EIF4G3: variants seen among roughly 807,000 people sequenced by gnomAD.
EIF4G3 encodes the protein eukaryotic translation initiation factor 4 gamma 3, also known as eIF-4-gamma 3.
Under a neutral mutation model 186.4 loss-of-function variants are expected in EIF4G3, and 34 were observed. The ratio of observed to expected loss-of-function variants is 0.18; its 90% CI spans 0.14 to 0.24. The LOEUF is 0.24. Among genes scored for constraint, EIF4G3 ranks in the 10% least tolerant of loss-of-function variants. EIF4G3 has a pLI of 1.00. For synonymous variants in EIF4G3, 673 were observed against 679.5 expected (o/e 0.99, Z 0.15); for missense variants, 1,536 against 1,948.5 (o/e 0.79, Z 3.99).
chr1:21,029,615 C>G (rs1246173334), intron 4 of EIF4G3, among the ~76,000 whole-genome samples: 1 of 151,766 alleles, frequency 6.6e-6, no homozygotes, highest in African/African-American at 2.4e-5. Context: ...ACAAAATAAA[C>G]CATTAGTTTG....
At chr1:21,158,381 G>A (rs1033942766) in intron 2 of EIF4G3, among the ~76,000 whole-genome samples, 9 of 151,548 alleles carry the variant, frequency 5.9e-5, no homozygotes, top group Admixed American at 2.0e-4. Context: ...TTGCCATGTT[G>A]CCCAGGGGGG....
At chr1:20,917,081 A>G (rs932214459) in intron 14 of EIF4G3, among the ~76,000 whole-genome samples, 3 of 140,886 alleles carry the variant, frequency 2.1e-5, no homozygotes, top group African/African-American at 7.8e-5. Context: ...CCCAAACTGG[A>G]AACAGCCAAA....
chr1:20,998,081 G>A (rs1052677610), intron 6 of EIF4G3, among the ~76,000 whole-genome samples: 1 of 152,002 alleles, frequency 6.6e-6, no homozygotes, highest in African/African-American at 2.4e-5. Context: ...TAATTATAAA[G>A]TCCAGCAGGA....
At position 20,879,512 on chromosome 1, in the gene EIF4G3, A is replaced by G. The variant is rs1409194885; in HGVS notation, c.2433T>C (p.Phe811=). 1.4e-6 allele frequency: 2 copies of G among 1,430,322 alleles called. No individual in the cohort carries two copies. Among genetic ancestry groups the G allele is most frequent in the Admixed American group, 5.1e-5 (2 of 39,232 alleles). 88.6% of individuals were successfully genotyped at this position (1,430,322 alleles called of 1,614,324 possible). The change falls in exon 20 of 37, where the codon TTT becomes TTC. Residue 811 remains phenylalanine (F), a synonymous_variant. Coordinates refer to ENST00000602326, the MANE Select transcript of EIF4G3 (RefSeq NM_001391906.1). ...DPENIKTQEL[F]RKVRSILNKL... ...TATTTAAGATACTTCGAACTTTTCT[A>G]AAAAGCTCCTAGAAGGGCCACAAAA...
At chr1:21,137,168 A>G (rs1299110227) in intron 2 of EIF4G3, among the ~76,000 whole-genome samples, 1 of 142,086 alleles carries the variant, frequency 7.0e-6, no homozygotes. Flanking sequence ...TTTGGAGACT[A>G]GGTCTCACTC....
chr1:21,078,300 C>A (rs571441108), intron 3 of EIF4G3, among the ~76,000 whole-genome samples: 22 of 152,068 alleles, frequency 1.4e-4, no homozygotes, highest in African/African-American at 4.8e-4. Context: ...CCATTTGCAA[C>A]AACAGAAATG....
chr1:21,060,308 G>T (rs1311595410), intron 3 of EIF4G3, among the ~76,000 whole-genome samples: 1 of 152,154 alleles, frequency 6.6e-6, no homozygotes. Context: ...TACACACCCT[G>T]AATAATTCCC....
At chr1:21,083,487 C>T (rs983109787) in intron 3 of EIF4G3, among the ~76,000 whole-genome samples, 3 of 144,426 alleles carry the variant, frequency 2.1e-5, no homozygotes, top group Non-Finnish European at 3.0e-5. Flanking sequence ...CACACACACA[C>T]TTTTTTTTTT....
intron 7 of EIF4G3, among the ~76,000 whole-genome samples, chr1:20,992,408 G>T (rs1036289186): frequency 6.6e-6 from 1 of 152,072 alleles, no homozygotes; most frequent in Non-Finnish European, 1.5e-5. Context: ...TAATGAAAAA[G>T]AAATCTACAT....
chr1:21,119,076 T>G (rs1043521449), intron 2 of EIF4G3, among the ~76,000 whole-genome samples: 3 of 152,100 alleles, frequency 2.0e-5, no homozygotes, highest in African/African-American at 4.8e-5. Flanking sequence ...TGTATATGGC[T>G]GACTTTATGA....
At chr1:21,158,767 T>C (rs1258491103) in intron 2 of EIF4G3, among the ~76,000 whole-genome samples, 5 of 152,084 alleles carry the variant, frequency 3.3e-5, no homozygotes, top group Admixed American at 3.3e-4. Flanking sequence ...TCTCTATATA[T>C]ATAGGTGTTC....
intron 25 of EIF4G3, among the ~76,000 whole-genome samples, chr1:20,855,848 A>G (rs548830636): frequency 6.6e-6 from 1 of 152,336 alleles, no homozygotes; most frequent in South Asian, 2.1e-4. Flanking sequence ...TACCTCCAGT[A>G]TAACTATCTG....
At chr1:20,949,969 A>C (rs1179467736) in intron 13 of EIF4G3, 34 bp downstream of exon 13, 2 of 1,547,472 alleles carry the variant, frequency 1.3e-6, no homozygotes, top group Non-Finnish European at 1.8e-6. Flanking sequence ...AAAGAGACTA[A>C]AGATAAGAGG....
chr1:20,907,249 T>C (rs372463757), intron 14 of EIF4G3, among the ~76,000 whole-genome samples: 2 of 152,164 alleles, frequency 1.3e-5, no homozygotes, highest in Non-Finnish European at 2.9e-5. Context: ...AGTCTCTGCA[T>C]AGGATTCATA....
chr1:20,856,294 T>G (rs2074874095), intron 25 of EIF4G3, among the ~76,000 whole-genome samples: 1 of 152,214 alleles, frequency 6.6e-6, no homozygotes, highest in Non-Finnish European at 1.5e-5. Flanking sequence ...TAAAGACTTT[T>G]CTTAATACTT....
intron 2 of EIF4G3, among the ~76,000 whole-genome samples, chr1:21,093,332 C>A (rs1187762388): frequency 6.6e-6 from 1 of 152,118 alleles, no homozygotes; most frequent in Admixed American, 6.5e-5. Context: ...TTTTTGCAGC[C>A]AACAGACACA....
chr1:20,972,244 C>A (rs2076047694), intron 11 of EIF4G3, among the ~76,000 whole-genome samples: 1 of 152,164 alleles, frequency 6.6e-6, no homozygotes, highest in South Asian at 2.1e-4. Context: ...ATCTATTTCA[C>A]AGGAAGGATT....
intron 3 of EIF4G3, among the ~76,000 whole-genome samples, chr1:21,052,022 G>A (rs990054808): frequency 2.0e-5 from 3 of 152,060 alleles, no homozygotes; most frequent in Non-Finnish European, 4.4e-5. Flanking sequence ...GATCTGTAAA[G>A]AGATATACCA....
intron 32 of EIF4G3, 47 bp from the exon 33 acceptor site, chr1:20,825,245 G>GAAAA: frequency 2.4e-4 from 55 of 228,566 alleles, no homozygotes; most frequent in Middle Eastern, 1.2e-3. Context: ...AGTGGAAGAA[G>GAAAA]AAACAGAAAA....
Sources: allele counts gnomAD v4.1 joint callset (sites outside exome capture counted in the v4.1 genomes callset), GRCh38; gene constraint gnomAD v4.1.1; transcripts MANE v1.5; gene names NCBI Gene and HGNC (gene_info 2026-07-23, HGNC 2026-07-21).